Variants in OSBP2 observed in about 807,000 individuals in gnomAD.
OSBP2 encodes oxysterol binding protein 2, also known as oxysterol-binding protein 2.
In OSBP2, 66 loss-of-function variants were observed where a neutral mutation model predicts 96.0. The observed-to-expected ratio is 0.69, with a 90% confidence interval of 0.56 to 0.84. OSBP2 has a LOEUF of 0.84. Ranked by LOEUF, OSBP2 falls within the 40% of genes least tolerant of loss-of-function variation. The pLI, the probability that OSBP2 is intolerant of heterozygous loss-of-function variation, is 0.00. For missense variants in OSBP2, 1,038 were observed against 1,222.7 expected, an observed-to-expected ratio of 0.85 and a Z score of 2.25; for synonymous variants, 525 against 520.9, an observed-to-expected ratio of 1.01 and a Z score of -0.11.
chr22:30,799,275 A>G (rs2090817570), intron 2 of OSBP2, among the ~76,000 whole-genome samples: 1 of 151,846 alleles, frequency 6.6e-6, no homozygotes, highest in East Asian at 1.9e-4. Context: ...ACACCCAGCT[A>G]ATTTTTGTAT....
chr22:30,760,213 G>A (rs550197445), intron 2 of OSBP2, among the ~76,000 whole-genome samples: 63 of 150,226 alleles, frequency 4.2e-4, no homozygotes, highest in African/African-American at 1.4e-3. Flanking sequence ...GCCCAGGCTG[G>A]TCTCAAACTC....
At chr22:30,768,177 CTG>C (rs2090301198) in intron 2 of OSBP2, among the ~76,000 whole-genome samples, 1 of 152,100 alleles carries the variant, frequency 6.6e-6, no homozygotes, top group South Asian at 2.1e-4. Flanking sequence ...CTCAGAGAAA[CTG>C]AGTTGGATTT....
At position 30,697,144 on chromosome 22, in the gene OSBP2, G is replaced by A. The variant is rs538517979; in HGVS notation, c.644+1591G>A. Among the ~76,000 whole-genome samples, 16 of 152,292 alleles carry A rather than the reference G, an allele frequency of 1.1e-4. No homozygotes were observed. In the South Asian group the frequency reaches 3.1e-3, roughly 30 times the overall value. Reference sequence around the variant, plus strand: ...TGTCTGTGTTACCTGTATTTACCAGGTACTACTAAACTGAAGAGTTAAAGG... The same window carrying A: ...TGTCTGTGTTACCTGTATTTACCAGATACTACTAAACTGAAGAGTTAAAGG... On this transcript the variant is annotated intron_variant, in intron 1 of 13. Transcript: ENST00000332585.
At chr22:30,873,771 G>A (rs543915868) in intron 3 of OSBP2, among the ~76,000 whole-genome samples, 23 of 152,358 alleles carry the variant, frequency 1.5e-4, no homozygotes, top group Admixed American at 3.3e-4. Context: ...GAGCCGGATC[G>A]TAGAAGTGGA....
At chr22:30,900,958 A>T (rs2040180205) in intron 12 of OSBP2, among the ~76,000 whole-genome samples, 1 of 152,264 alleles carries the variant, frequency 6.6e-6, no homozygotes, top group South Asian at 2.1e-4. Context: ...GACGATGCAT[A>T]AACAAACTTG....
At chr22:30,902,125 CGAAAAAAAAAAAACCA>C (rs2040217034) in intron 12 of OSBP2, 2 of 233,072 alleles carry the variant, frequency 8.6e-6, no homozygotes, top group African/African-American at 2.9e-5. Context: ...AAAAAAAAAA[CGAAAAAAAAAAAACCA>C]AAAAAAAAAA....
At chr22:30,879,559 C>T (rs903619355) in intron 3 of OSBP2, among the ~76,000 whole-genome samples, 4 of 152,152 alleles carry the variant, frequency 2.6e-5, no homozygotes, top group Non-Finnish European at 4.4e-5. Flanking sequence ...CTGGAAGCTC[C>T]GCCTCGGGGG....
intron 2 of OSBP2, among the ~76,000 whole-genome samples, chr22:30,760,862 T>A (rs2090197619): frequency 6.6e-6 from 1 of 151,960 alleles, no homozygotes; most frequent in Non-Finnish European, 1.5e-5. Context: ...GGAATCATAA[T>A]ATTAACAATC....
intron 2 of OSBP2, among the ~76,000 whole-genome samples, chr22:30,819,007 G>A (rs2146972388): frequency 6.6e-6 from 1 of 152,306 alleles, no homozygotes; most frequent in East Asian, 1.9e-4. Flanking sequence ...GTCACAAAGA[G>A]GAGGGCTGGA....
At chr22:30,823,531 A>G (rs903441839) in intron 2 of OSBP2, among the ~76,000 whole-genome samples, 1 of 152,248 alleles carries the variant, frequency 6.6e-6, no homozygotes, top group Admixed American at 6.5e-5. Flanking sequence ...TTTAGAAATC[A>G]GCACTCTCTG....
intron 2 of OSBP2, among the ~76,000 whole-genome samples, chr22:30,773,644 A>C (rs1022301413): frequency 2.0e-5 from 3 of 152,140 alleles, no homozygotes; most frequent in African/African-American, 7.2e-5. Flanking sequence ...GAGAGACTGC[A>C]TGAATGAATG....
At chr22:30,783,749 C>A (rs1437577602) in intron 2 of OSBP2, among the ~76,000 whole-genome samples, 1 of 152,162 alleles carries the variant, frequency 6.6e-6, no homozygotes, top group Non-Finnish European at 1.5e-5. Flanking sequence ...CAACTTACGG[C>A]GATTTCTTAG....
chr22:30,869,231 G>A (rs943433185), intron 2 of OSBP2, among the ~76,000 whole-genome samples: 5 of 152,192 alleles, frequency 3.3e-5, no homozygotes, highest in Admixed American at 6.5e-5. Flanking sequence ...CTGGCAGAGG[G>A]CACAGCCTGC....
intron 1 of OSBP2, among the ~76,000 whole-genome samples, chr22:30,726,276 A>G (rs1902025201): frequency 6.6e-6 from 1 of 152,230 alleles, no homozygotes; most frequent in Non-Finnish European, 1.5e-5. Context: ...AATGTGGCAC[A>G]TATACACCGT....
At position 30,853,642 on chromosome 22, in the gene OSBP2, G is replaced by A. The variant is rs186952388; in HGVS notation, c.854-16787G>A. Among the ~76,000 whole-genome samples, 22 of 152,010 alleles carry A rather than the reference G, an allele frequency of 1.4e-4. No homozygotes were observed. The East Asian group carries it at 3.7e-3, about 25-fold the overall frequency. On this transcript the variant is annotated intron_variant, in intron 2 of 13. Transcript: ENST00000332585. ...AGTGCTGAGACGATTTTAATATAAC[G>A]TAATTATTAAATCTATTTTGCTGTT...
intron 2 of OSBP2, among the ~76,000 whole-genome samples, chr22:30,829,341 G>T (rs2038472974): frequency 6.6e-6 from 1 of 152,192 alleles, no homozygotes; most frequent in East Asian, 1.9e-4. Context: ...CTTCCAGGCT[G>T]CAGTGCCGTG....
chr22:30,891,696 C>T (rs1403292366), intron 8 of OSBP2, among the ~76,000 whole-genome samples: 2 of 151,924 alleles, frequency 1.3e-5, no homozygotes, highest in African/African-American at 4.8e-5. Context: ...GAAGGATGAG[C>T]CAGCTGGTTT....
At chr22:30,873,489 G>T (rs567164698) in intron 3 of OSBP2, among the ~76,000 whole-genome samples, 2 of 152,162 alleles carry the variant, frequency 1.3e-5, no homozygotes, top group Non-Finnish European at 2.9e-5. Flanking sequence ...TGGAAGCCAC[G>T]CACCGCAGTC....
chr22:30,868,824 A>G, intron 2 of OSBP2, among the ~76,000 whole-genome samples: 1 of 152,196 alleles, frequency 6.6e-6, no homozygotes, highest in Non-Finnish European at 1.5e-5. Flanking sequence ...CACTCGGAAC[A>G]GTGACTCAGC....
Sources: gnomAD v4.1 joint callset for allele counts (sites outside exome capture counted in the v4.1 genomes callset) on GRCh38, gnomAD v4.1.1 for gene constraint, MANE v1.5 for transcripts, NCBI Gene and HGNC (gene_info 2026-07-23, HGNC 2026-07-21) for gene names.